The following GALK2 variants were observed in gnomAD, a reference collection of about 807,000 sequenced individuals.
The protein encoded by GALK2 is N-acetylgalactosamine kinase.
A neutral mutation model predicts 52.4 loss-of-function variants in GALK2; 36 were observed. That is an observed-to-expected ratio of 0.69 (90% CI 0.53 to 0.91). The LOEUF (loss-of-function observed/expected upper bound fraction) is 0.91, where lower values mean the gene tolerates loss of function less well. Among genes scored for constraint, GALK2 ranks in the 40% least tolerant of loss-of-function variants. The pLI is 0.00. For missense variants in GALK2, 579 were observed against 559.1 expected (o/e 1.04, Z -0.36); for synonymous variants, 176 against 199.1 (o/e 0.88, Z 0.98).
chr15:49,223,858 A>G (rs2089974736), intron 3 of GALK2, among the ~76,000 whole-genome samples: 9 of 151,318 alleles, frequency 5.9e-5, no homozygotes, highest in Admixed American at 5.3e-4. Context: ...ATATGAGTGC[A>G]TGTGTCTTTT....
rs116776112 is a variant in GALK2, at chr15:49,366,700, C to T, written c.427-791C>T. On this transcript the variant is annotated intron_variant, in intron 3 of 3. Coordinates refer to the GALK2 transcript ENST00000558399. The stretch of plus-strand genomic sequence containing the variant: ...GCGGCCCCATCGGACTGGTGGGTGG[C>T]GGGTGGGGTGGCGCGGCGCGGCTCA... 5,092 of 1,409,866 alleles carry T rather than the reference C, an allele frequency of 3.6e-3. 158 individuals are homozygous for T. The African/African-American group carries it at 0.062, about 17-fold the overall frequency. The allele number at this position is 1,409,866 out of a possible 1,614,324, so 87.3% of individuals were successfully genotyped here.
chr15:49,196,144 A>G (rs926739522), intron 1 of GALK2, among the ~76,000 whole-genome samples: 4 of 151,862 alleles, frequency 2.6e-5, no homozygotes, highest in Non-Finnish European at 4.4e-5. Context: ...TCTACTCCCC[A>G]TATCATTACT....
intron 1 of GALK2, among the ~76,000 whole-genome samples, chr15:49,171,146 C>G (rs1384958460): frequency 2.0e-5 from 3 of 148,946 alleles, no homozygotes; most frequent in Non-Finnish European, 4.5e-5. Flanking sequence ...GCAGTGGCGC[C>G]ATCTTGGCTC....
chr15:49,159,558 A>G (rs767307223), intron 1 of GALK2, among the ~76,000 whole-genome samples: 5 of 151,382 alleles, frequency 3.3e-5, no homozygotes, highest in Middle Eastern at 3.2e-3. Flanking sequence ...CCTGGGCGAC[A>G]GAACAAGACT....
chr15:49,210,376 T>G (rs75391491), intron 2 of GALK2, among the ~76,000 whole-genome samples: 22,842 of 151,778 alleles, frequency 0.15, 2,232 homozygotes, highest in Non-Finnish European at 0.21. Context: ...ACCATTAGGT[T>G]GTTTATATGC....
At chr15:49,313,034 C>T (rs946403168) in intron 8 of GALK2, among the ~76,000 whole-genome samples, 9 of 152,138 alleles carry the variant, frequency 5.9e-5, no homozygotes, top group African/African-American at 2.2e-4. Context: ...AAGGACCAGG[C>T]TGGCATATAA....
rs375990425 is a variant in GALK2, at chr15:49,312,790, T to A, written c.968-6814T>A. Among the ~76,000 whole-genome samples, 6 of 152,328 alleles carry A rather than the reference T, an allele frequency of 3.9e-5. No homozygotes were observed. In the South Asian group the frequency reaches 8.3e-4, roughly 21 times the overall value. On this transcript the variant is annotated intron_variant, in intron 8 of 9. Transcript: ENST00000560031. ...GATATCTGAAGGGTTACCTTGTGTT[T>A]ACATATGTCTGGGGAACAGAACCAA...
intron 5 of GALK2, among the ~76,000 whole-genome samples, chr15:49,245,345 G>A (rs1016022712): frequency 5.9e-5 from 9 of 152,142 alleles, no homozygotes; most frequent in Non-Finnish European, 1.0e-4. Flanking sequence ...GCTAGGGGCT[G>A]CCTTTGTTGT....
intron 5 of GALK2, among the ~76,000 whole-genome samples, chr15:49,273,746 C>A (rs1465015702): frequency 6.6e-6 from 1 of 151,832 alleles, no homozygotes; most frequent in Admixed American, 6.6e-5. Context: ...TTGAAAATAG[C>A]CCCAGGTAAT....
intron 3 of GALK2, chr15:49,365,465 T>C (rs766787242): frequency 2.3e-6 from 2 of 878,744 alleles, no homozygotes; most frequent in Non-Finnish European, 3.9e-6. Context: ...AAGCCCAATA[T>C]TGAAACAGGC....
At chr15:49,294,140 CAAATAAATAAATAAATAAAT>C (rs10677248) in intron 8 of GALK2, among the ~76,000 whole-genome samples, 12 of 139,892 alleles carry the variant, frequency 8.6e-5, no homozygotes, top group Admixed American at 2.9e-4. Context: ...GACCCTGTCT[CAAATAAATAAATAAATAAAT>C]AAATAAATAA....
intron 3 of GALK2, among the ~76,000 whole-genome samples, chr15:49,227,916 A>G (rs897602916): frequency 6.6e-6 from 1 of 152,160 alleles, no homozygotes; most frequent in Admixed American, 6.5e-5. Flanking sequence ...CCCATTCATG[A>G]TAAATGTGCT....
At chr15:49,155,885 T>C in exon 1 of GALK2, 1 of 1,234,980 alleles carries the variant, frequency 8.1e-7, no homozygotes, top group South Asian at 1.3e-5. Flanking sequence ...GTTTCCAGCC[T>C]CCTGGGTAAA....
intron 3 of GALK2, among the ~76,000 whole-genome samples, chr15:49,350,798 T>G (rs1208794742): frequency 2.6e-5 from 4 of 152,138 alleles, no homozygotes; most frequent in Admixed American, 2.6e-4. Flanking sequence ...AACAGTGCTC[T>G]CTAAGATATG....
At chr15:49,271,364 C>T (rs1222002278) in intron 5 of GALK2, among the ~76,000 whole-genome samples, 1 of 152,130 alleles carries the variant, frequency 6.6e-6, no homozygotes, top group Non-Finnish European at 1.5e-5. Context: ...TGACTATTCC[C>T]TCCAACTCCC....
exon 4 of GALK2, chr15:49,367,598 C>G: frequency 6.4e-7 from 1 of 1,570,412 alleles, no homozygotes; most frequent in South Asian, 1.2e-5. Context: ...ACCAGTACTA[C>G]TATAGTGCGA....
downstream of GALK2, chr15:49,335,372 T>C (rs1217129865): frequency 3.9e-6 from 5 of 1,282,940 alleles, no homozygotes; most frequent in Non-Finnish European, 5.6e-6. Flanking sequence ...TTTCCAGTTC[T>C]AAAAAAGTAT....
chr15:49,186,956 G>T (rs985538667), intron 1 of GALK2, among the ~76,000 whole-genome samples: 1 of 152,198 alleles, frequency 6.6e-6, no homozygotes, highest in Non-Finnish European at 1.5e-5. Flanking sequence ...TTGATTTGGT[G>T]ATGTCATATT....
chr15:49,230,889 G>A (rs1157594703), intron 3 of GALK2, among the ~76,000 whole-genome samples: 2 of 152,214 alleles, frequency 1.3e-5, no homozygotes, highest in Non-Finnish European at 2.9e-5. Context: ...GTAATGCAGG[G>A]TTGAGAATTG....
Sources: allele counts gnomAD v4.1 joint callset (sites outside exome capture counted in the v4.1 genomes callset), GRCh38; gene constraint gnomAD v4.1.1; transcripts MANE v1.5; gene names NCBI Gene and HGNC (gene_info 2026-07-23, HGNC 2026-07-21).